The following GNB4 variants were observed in gnomAD, a reference collection of about 807,000 sequenced individuals.
The protein encoded by GNB4 is guanine nucleotide-binding protein subunit beta-4.
In GNB4, 28 loss-of-function variants were observed where a neutral mutation model predicts 45.2. That is an observed-to-expected ratio of 0.62 (90% CI 0.46 to 0.85). The LOEUF is 0.85. GNB4 is among the 40% of genes least tolerant of loss of function. The probability of loss-of-function intolerance (pLI) is 0.00; values close to 1 mark genes in which losing one functional copy is unlikely to be tolerated. For missense variants in GNB4, 321 were observed against 425.4 expected (o/e 0.75, Z 2.16); for synonymous variants, 132 against 143.7 (o/e 0.92, Z 0.58).
At chr3:179,503,733 C>T in the GNB4 span, among the ~76,000 whole-genome samples, 472 of 152,286 alleles carry the variant, frequency 3.1e-3, 2 homozygotes, top group African/African-American at 0.011. Flanking sequence ...TAGGCTTCAG[C>T]CTTCATGGTG....
intron 1 of GNB4, among the ~76,000 whole-genome samples, chr3:179,445,749 T>C (rs1715705249): frequency 6.6e-6 from 1 of 152,244 alleles, no homozygotes; most frequent in African/African-American, 2.4e-5. Flanking sequence ...CTTGCAGAGA[T>C]ACTAAGAATA....
intron 1 of GNB4, among the ~76,000 whole-genome samples, chr3:179,430,590 A>G (rs1715281697): frequency 6.6e-6 from 1 of 150,522 alleles, no homozygotes; most frequent in Non-Finnish European, 1.5e-5. Flanking sequence ...AGTAGCTGGG[A>G]CTACAGGCAT....
intron 1 of GNB4, chr3:179,437,727 G>A (rs1160443366): frequency 6.6e-6 from 1 of 152,098 alleles, no homozygotes; most frequent in Non-Finnish European, 1.5e-5. Flanking sequence ...TTTCTAAATT[G>A]TTAAGAGACT....
the GNB4 span, among the ~76,000 whole-genome samples, chr3:179,494,240 GAAGAAGAAAGA>G: frequency 6.7e-6 from 1 of 150,138 alleles, no homozygotes; most frequent in Non-Finnish European, 1.5e-5. Flanking sequence ...TGTCTTAGCT[GAAGAAGAAAGA>G]AAGAAGAAAG....
chr3:179,465,049 T>C, the GNB4 span: 1 of 1,499,802 alleles, frequency 6.7e-7, no homozygotes, highest in Non-Finnish European at 9.3e-7. Context: ...ATCGATATAC[T>C]TCCAAAGAGC....
rs1325609493 is a variant in GNB4 at position 179,397,374 on chromosome 3, T to G, written c.*3839A>C. 6.6e-6 allele frequency: 1 copy of G among 152,224 alleles called. No individual in the cohort carries two copies. The highest frequency in any genetic ancestry group is 1.5e-5 in the Non-Finnish European group (1 of 68,034). 9.4% of individuals were successfully genotyped at this position (152,224 alleles called of 1,614,324 possible). A position where few individuals can be genotyped will look rare whatever the true frequency, so the allele number is the denominator to read the frequency against. ...AGCATTTTTAAGCAATAATAAAAGT[T>G]TCATTTTGTCACCTTAAGTCAAGAT... On this transcript the variant is annotated 3_prime_UTR_variant, in exon 10 of 10. Transcript: ENST00000232564.
At chr3:179,464,395 C>A in the GNB4 span, 32 of 1,205,840 alleles carry the variant, frequency 2.7e-5, no homozygotes, top group Non-Finnish European at 3.8e-5. Context: ...CTGCTGCAGC[C>A]CGTGCACAGC....
At chr3:179,434,265 T>C (rs898499904) in intron 1 of GNB4, among the ~76,000 whole-genome samples, 2 of 152,246 alleles carry the variant, frequency 1.3e-5, no homozygotes, top group East Asian at 3.9e-4. Context: ...TGAATTATCA[T>C]ACAGCAGTGA....
At chr3:179,492,075 A>T in the GNB4 span, among the ~76,000 whole-genome samples, 1 of 152,222 alleles carries the variant, frequency 6.6e-6, no homozygotes, top group South Asian at 2.1e-4. Flanking sequence ...GTGTAAGAAA[A>T]TATTTTACCT....
chr3:179,501,132 C>T, the GNB4 span, among the ~76,000 whole-genome samples: 1 of 152,136 alleles, frequency 6.6e-6, no homozygotes, highest in Non-Finnish European at 1.5e-5. Context: ...GAAGGGGAAT[C>T]TGTGCAACAC....
intron 1 of GNB4, among the ~76,000 whole-genome samples, chr3:179,434,290 G>A (rs1467875689): frequency 2.6e-5 from 4 of 152,076 alleles, no homozygotes; most frequent in Non-Finnish European, 5.9e-5. Flanking sequence ...AAATGAACTA[G>A]TTACATGCAA....
chr3:179,416,645 A>G, intron 4 of GNB4, 89 bp from the exon 5 acceptor site: 1 of 684,924 alleles, frequency 1.5e-6, no homozygotes, highest in Non-Finnish European at 2.4e-6. Context: ...AGAATAATTC[A>G]GAAAAATACA....
chr3:179,430,482 T>C (rs1327482095), intron 1 of GNB4, among the ~76,000 whole-genome samples: 1 of 152,124 alleles, frequency 6.6e-6, no homozygotes, highest in East Asian at 1.9e-4. Context: ...AGACAGGGTG[T>C]CACTCTGTCA....
At chr3:179,450,378 GTC>G (rs1185375955) in intron 1 of GNB4, among the ~76,000 whole-genome samples, 1 of 152,158 alleles carries the variant, frequency 6.6e-6, no homozygotes, top group African/African-American at 2.4e-5. Context: ...CGTGTGTTCT[GTC>G]TCTGTCCTAG....
chr3:179,402,427 G>A (rs752311500), intron 9 of GNB4, among the ~76,000 whole-genome samples: 5 of 152,172 alleles, frequency 3.3e-5, no homozygotes, highest in South Asian at 2.1e-4. Context: ...CTTAAGCAAC[G>A]GAATACTTCC....
intron 2 of GNB4, among the ~76,000 whole-genome samples, 183 bp from the exon 3 acceptor site, chr3:179,421,110 T>C (rs973037451): frequency 2.0e-5 from 3 of 152,234 alleles, no homozygotes; most frequent in Non-Finnish European, 4.4e-5. Context: ...TTAAGGCATG[T>C]AATCCAGTAG....
At chr3:179,451,555 C>T (rs1200361578), upstream of GNB4, 1 of 150,368 alleles carries the variant, frequency 6.7e-6, no homozygotes, top group Non-Finnish European at 1.5e-5. Flanking sequence ...AGGCGCGAGG[C>T]ACGAGGCGCG....
chr3:179,443,444 C>T (rs1715643299), intron 1 of GNB4, among the ~76,000 whole-genome samples: 1 of 152,030 alleles, frequency 6.6e-6, no homozygotes, highest in South Asian at 2.1e-4. Context: ...GAGGCTGAGG[C>T]ATGAGAATCT....
Position 179,415,047 on chromosome 3 carries a change from T to A in GNB4, c.268A>T (p.Met90Leu). The change falls in exon 6 of 10, where the codon ATG (methionine) becomes TTG (leucine). Residue 90 changes from methionine to leucine, a missense_variant and splice_region_variant. Coordinates refer to ENST00000232564, the MANE Select transcript of GNB4 (RefSeq NM_021629.4). ...IIWDSYTTNK[M>L]HAIPLRSSWV... Reference sequence around the variant, plus strand: ...GAGGACCTCAAAGGAATAGCATGCATCTGTAGGGCACACACCACACATCAC... The same window carrying A: ...GAGGACCTCAAAGGAATAGCATGCAACTGTAGGGCACACACCACACATCAC... 6.3e-7 allele frequency: 1 copy of A among 1,587,272 alleles called. No homozygotes were observed. The highest frequency in any genetic ancestry group is 8.6e-7 in the Non-Finnish European group (1 of 1,160,926).
Sources: gnomAD v4.1 joint callset for allele counts (sites outside exome capture counted in the v4.1 genomes callset) on GRCh38, gnomAD v4.1.1 for gene constraint, MANE v1.5 for transcripts, NCBI Gene and HGNC (gene_info 2026-07-23, HGNC 2026-07-21) for gene names.